CBY2: variants seen among roughly 807,000 people sequenced by gnomAD.
CBY2 encodes chibby family member 2, also known as protein chibby homolog 2.
A neutral mutation model predicts 25.3 loss-of-function variants in CBY2; 23 were observed. The ratio of observed to expected loss-of-function variants is 0.91; its 90% CI spans 0.65 to 1.29. The LOEUF is 1.29. Among genes scored for constraint, CBY2 ranks in the 50% most tolerant of loss-of-function variants. The pLI, the probability that CBY2 is intolerant of heterozygous loss-of-function variation, is 0.00. For synonymous variants in CBY2, 279 were observed against 260.2 expected (o/e 1.07, Z -0.70); for missense variants, 642 against 590.7 (o/e 1.09, Z -0.90).
At position 45,713,179 on chromosome 13, in the gene CBY2, C is replaced by T. The variant is rs754776758; in HGVS notation, c.157-3C>T. The stretch of plus-strand genomic sequence containing the variant: ...CGCTGGGCTTTCCCATTCTCTCCCG[C>T]AGAGGGGCACAGCCGAACCCTTCCC... On this transcript the variant is annotated splice_polypyrimidine_tract_variant and splice_region_variant and intron_variant, in intron 2 of 2. Transcript: ENST00000310521. The surrounding 1 kb of genome is among the most constrained non-coding windows in gnomAD (Gnocchi z 5.0). The T allele has an allele frequency of 6.2e-7, 1 of 1,605,266 alleles. No homozygotes were observed. Among genetic ancestry groups the T allele is most frequent in the South Asian group, 1.1e-5 (1 of 90,162 alleles).
intron 2 of CBY2, among the ~76,000 whole-genome samples, chr13:45,703,999 C>T (rs1950226190): frequency 6.6e-6 from 1 of 152,096 alleles, no homozygotes; most frequent in Non-Finnish European, 1.5e-5. Flanking sequence ...TCCTGGGGCC[C>T]CTCAACTTTA....
intron 2 of CBY2, 50 bp downstream of exon 2, chr13:45,702,905 C>A (rs778108352): frequency 2.2e-6 from 3 of 1,380,484 alleles, no homozygotes; most frequent in Admixed American, 1.7e-5. Context: ...GCCAGAATAA[C>A]CCCCCATCTC....
At chr13:45,707,244 G>C (rs1950244859) in intron 2 of CBY2, among the ~76,000 whole-genome samples, 1 of 152,100 alleles carries the variant, frequency 6.6e-6, no homozygotes, top group South Asian at 2.1e-4. Context: ...AGGGGGTGGT[G>C]GGAGCTTCCT....
At position 45,713,881 on chromosome 13, in the gene CBY2, T is replaced by TAA; in HGVS notation, c.856_857insAA (p.Ser286Ter). The TAA allele has an allele frequency of 1.3e-6, 2 of 1,530,366 alleles. No individual in the cohort carries two copies. The highest frequency in any genetic ancestry group is 1.8e-6 in the Non-Finnish European group (2 of 1,142,794). The allele number at this position is 1,530,366 out of a possible 1,614,324, so 94.8% of individuals were successfully genotyped here. The change falls in exon 3 of 3, where the codon TCA (serine) becomes TAACA (stop). Residue 286 changes from serine (S) to a stop codon, truncating the protein, a stop_gained and frameshift_variant. Transcript: ENST00000310521. LOFTEE classifies it high-confidence loss of function. The surrounding 1 kb of genome is among the most constrained non-coding windows in gnomAD (Gnocchi z 5.0). ...TGCCGAGGAAAGCAAGCCCGCCCCC[T>TAA]CACCCCACGAGGAGCCCTGCAGCCC... is the stretch of plus-strand genomic sequence containing the variant. ...APAEESKPAP[S>*]PHEEPCSPGL...
chr13:45,703,773 C>A (rs570081364), intron 2 of CBY2, among the ~76,000 whole-genome samples: 2 of 152,198 alleles, frequency 1.3e-5, no homozygotes, highest in Non-Finnish European at 2.9e-5. Context: ...AATGAACAGT[C>A]ACTTTTCTGT....
Position 45,714,034 on chromosome 13 carries a change from C to T in CBY2, c.1009C>T (p.Pro337Ser). 6.7e-7 allele frequency: 1 copy of T among 1,491,078 alleles called. No homozygotes were observed. Among genetic ancestry groups the T allele is most frequent in the Non-Finnish European group, 8.9e-7 (1 of 1,119,850 alleles). 92.4% of individuals were successfully genotyped at this position (1,491,078 alleles called of 1,614,324 possible). The change falls in exon 3 of 3, where the codon CCC becomes TCC. Residue 337 changes from proline (P) to serine (S), a missense_variant. Transcript: ENST00000310521. ...LRKMVSNMSG[P>S]SGEEEAKVGP... ...GAAGATGGTCAGCAACATGTCCGGGCCCTCCGGGGAGGAGGAGGCCAAGGT... is the reference window on the plus strand; with the variant it reads ...GAAGATGGTCAGCAACATGTCCGGGTCCTCCGGGGAGGAGGAGGCCAAGGT...
At chr13:45,702,997 C>A in intron 2 of CBY2, 142 bp downstream of exon 2, 1 of 1,109,176 alleles carries the variant, frequency 9.0e-7, no homozygotes, top group Non-Finnish European at 1.3e-6. Flanking sequence ...TGGGTGCCAG[C>A]AGGCGGTGTG....
At chr13:45,710,930 G>A (rs531179896) in intron 2 of CBY2, among the ~76,000 whole-genome samples, 1 of 152,256 alleles carries the variant, frequency 6.6e-6, no homozygotes, top group African/African-American at 2.4e-5. Context: ...CATGCAAATT[G>A]TGTTTCTCTC....
At chr13:45,710,575 G>A (rs764251283) in intron 2 of CBY2, among the ~76,000 whole-genome samples, 5 of 152,052 alleles carry the variant, frequency 3.3e-5, no homozygotes, top group Admixed American at 1.3e-4. Context: ...AAACATTCAC[G>A]TCTTTGGCTT....
At position 45,714,531 on chromosome 13, in the gene CBY2, T is replaced by G; in HGVS notation, c.*159T>G. On this transcript the variant is annotated 3_prime_UTR_variant, in exon 3 of 3. Coordinates refer to ENST00000310521, the MANE Select transcript of CBY2 (RefSeq NM_152719.3). ...CCTAAACTCAGAGTTTTAATAAAGG[T>G]GTGAGGAGGCTGGGGCCAGTTGACA... 1 of 604,294 alleles carries G rather than the reference T, an allele frequency of 1.7e-6. No individual in the cohort carries two copies. The highest frequency in any genetic ancestry group is 2.8e-5 in the East Asian group (1 of 35,660). 37.4% of individuals were successfully genotyped at this position (604,294 alleles called of 1,614,324 possible). A position where few individuals can be genotyped will look rare whatever the true frequency, so the allele number is the denominator to read the frequency against.
At chr13:45,707,047 A>T (rs1327947386) in intron 2 of CBY2, among the ~76,000 whole-genome samples, 1 of 152,172 alleles carries the variant, frequency 6.6e-6, no homozygotes, top group Non-Finnish European at 1.5e-5. Flanking sequence ...TGGCAACCCC[A>T]GGAAGTAGGC....
At chr13:45,703,036 C>A (rs1950220314) in intron 2 of CBY2, 181 bp downstream of exon 2, 2 of 1,226,742 alleles carry the variant, frequency 1.6e-6, no homozygotes, top group African/African-American at 3.0e-5. Context: ...CCCCTCTGGG[C>A]CTTGGGTTCT....
rs778353276 is a variant in CBY2, at chr13:45,713,443, T to G, written c.418T>G (p.Cys140Gly). ...FQDGRWVNEN[C>G]RLQSPYFSPS... Reference sequence around the variant, plus strand: ...GGACGGGCGCTGGGTAAATGAGAACTGCCGCCTGCAGTCTCCCTACTTCTC... The same window carrying G: ...GGACGGGCGCTGGGTAAATGAGAACGGCCGCCTGCAGTCTCCCTACTTCTC... Residue 140 changes from cysteine (C) to glycine (G), a missense_variant, in exon 3 of 3, where the codon TGC becomes GGC. By Grantham distance (159) the Cys-to-Gly change is radical. Transcript: ENST00000310521. The surrounding 1 kb of genome is among the most constrained non-coding windows in gnomAD (Gnocchi z 5.0). 6.2e-7 allele frequency: 1 copy of G among 1,614,214 alleles called. No individual in the cohort carries two copies. Among genetic ancestry groups the G allele is most frequent in the Non-Finnish European group, 8.5e-7 (1 of 1,180,032 alleles).
chr13:45,706,173 C>T (rs1279037088), intron 2 of CBY2, among the ~76,000 whole-genome samples: 3 of 152,180 alleles, frequency 2.0e-5, no homozygotes, highest in Non-Finnish European at 4.4e-5. Context: ...TTGCATTTTG[C>T]CTCCCTTCTT....
At position 45,702,740 on chromosome 13, in the gene CBY2, G is replaced by C. The variant is rs377510688; in HGVS notation, c.76-35G>C. ...AATTGAGGCCCAGAGGATGAGCTGG[G>C]AAGCAGTAATCTTCTTCTTTTCTCG... On this transcript the variant is annotated intron_variant, in intron 1 of 2. Transcript: ENST00000310521. The C allele has an allele frequency of 1.9e-6, 3 of 1,551,254 alleles. No homozygotes were observed. The East Asian group carries it at 6.7e-5, about 35-fold the overall frequency.
chr13:45,714,294 C>G lies in CBY2; in HGVS notation c.1269C>G (p.Arg423=). 6.2e-7 allele frequency: 1 copy of G among 1,613,200 alleles called. No individual in the cohort carries two copies. The highest frequency in any genetic ancestry group is 8.5e-7 in the Non-Finnish European group (1 of 1,179,874). ...ACACCGTGACCGAGGTCACCGCGCG[C>G]ATGGAAATGCTCATCGAGGAGCTCT... The part of the protein sequence containing the change: ...VIDTVTEVTA[R]MEMLIEELYA... The change falls in exon 3 of 3, where the codon CGC becomes CGG. Residue 423 remains arginine, a synonymous_variant. Transcript: ENST00000310521.
rs759711490 is a variant in CBY2, at chr13:45,713,493, G to C, written c.468G>C (p.Lys156Asn). ...CCCCATCCGCCTCCTTCCACCACAAGCTGCACCACAAGAGGCTGGCCAAGG... is the reference window on the plus strand; with the variant it reads ...CCCCATCCGCCTCCTTCCACCACAACCTGCACCACAAGAGGCTGGCCAAGG... ...YFSPSASFHH[K>N]LHHKRLAKEC... The change falls in exon 3 of 3, where the codon AAG (lysine) becomes AAC (asparagine). Residue 156 changes from lysine (K) to asparagine (N), a missense_variant. Physicochemically the swap from Lys to Asn is moderately conservative, Grantham distance 94. Coordinates refer to ENST00000310521, the MANE Select transcript of CBY2 (RefSeq NM_152719.3). The surrounding 1 kb of genome is among the most constrained non-coding windows in gnomAD (Gnocchi z 5.0). 2.2e-5 allele frequency: 36 copies of C among 1,614,098 alleles called. 1 individual carries two copies. In the South Asian group the frequency reaches 3.0e-4, roughly 13 times the overall value.
rs147277107 is a variant in CBY2 at position 45,710,382 on chromosome 13, G to A, written c.157-2800G>A. On this transcript the variant is annotated intron_variant, in intron 2 of 2. Coordinates refer to ENST00000310521, the MANE Select transcript of CBY2 (RefSeq NM_152719.3). ...TACTAAAATACAAAAAATTAGCCAGGCGTGGTGGCACGCGCCTGTAGTCCC... is the reference window on the plus strand; with the variant it reads ...TACTAAAATACAAAAAATTAGCCAGACGTGGTGGCACGCGCCTGTAGTCCC... 4.2e-3 allele frequency among the ~76,000 whole-genome samples: 632 copies of A among 152,238 alleles called. 2 individuals carry two copies. Among genetic ancestry groups the A allele is most frequent in the African/African-American group, 0.014 (593 of 41,522 alleles).
In CBY2 at chr13:45,703,830, CT is replaced by C. The variant is rs1359975239; in HGVS notation, c.156+976del. ...AGCCAGAATATAAGATAACTTCCCC[CT>C]GATCATTCAACAAGATAACAAGCTG... On this transcript the variant is annotated intron_variant, in intron 2 of 2. Transcript: ENST00000310521. 6.6e-5 allele frequency among the ~76,000 whole-genome samples: 10 copies of C among 152,308 alleles called. No homozygotes were observed. In the East Asian group the frequency reaches 1.9e-3, roughly 29 times the overall value.
Sources: allele counts gnomAD v4.1 joint callset (sites outside exome capture counted in the v4.1 genomes callset), GRCh38; gene constraint gnomAD v4.1.1; non-coding constraint Gnocchi (gnomAD v3.1); transcripts MANE v1.5; gene names NCBI Gene and HGNC (gene_info 2026-07-23, HGNC 2026-07-21).